SARS1: variants seen among roughly 807,000 people sequenced by gnomAD.
The protein encoded by SARS1 is serine--tRNA ligase, cytoplasmic.
SARS1 carries 25 observed loss-of-function variants against 63.7 expected under a neutral mutation model. The observed-to-expected ratio is 0.39, with a 90% CI of 0.29 to 0.55. The LOEUF (loss-of-function observed/expected upper bound fraction) is 0.55. Ranked by LOEUF, SARS1 falls within the 20% of genes least tolerant of loss-of-function variation. The pLI, the probability that SARS1 is intolerant of heterozygous loss-of-function variation, is 0.62. For synonymous variants in SARS1, 231 were observed against 243.5 expected (o/e 0.95, Z 0.48); for missense variants, 417 against 649.7 (o/e 0.64, Z 3.89).
At chr1:109,220,070 G>A (rs1470819521) in intron 1 of SARS1, among the ~76,000 whole-genome samples, 3 of 152,118 alleles carry the variant, frequency 2.0e-5, no homozygotes, top group African/African-American at 4.8e-5. Context: ...TATTTATAGG[G>A]TACAATGTAA....
chr1:109,221,970 G>GTGTGTGTATATATATATA (rs1654939076), intron 1 of SARS1, among the ~76,000 whole-genome samples: 1 of 28,056 alleles, frequency 3.6e-5, no homozygotes, highest in African/African-American at 1.4e-4. Context: ...TTGTGTGTGT[G>GTGTGTGTATATATATATA]TATATATATA....
At chr1:109,223,039 T>A (rs639246) in intron 1 of SARS1, among the ~76,000 whole-genome samples, 147,505 of 152,274 alleles carry the variant, frequency 0.97, 71,574 homozygotes, top group Middle Eastern at 1. Context: ...TTGTGCTTAA[T>A]TTTTATCATA....
At position 109,213,988 on chromosome 1, in the gene SARS1, A is replaced by G. The variant is rs774725545; in HGVS notation, c.-5A>G. ...TCCCTGAGCGTTGGCCCGGGAGGAA[A>G]GAAGATGGTGCTGGATCTGGATTTG... On this transcript the variant is annotated 5_prime_UTR_variant, in exon 1 of 11. Transcript: ENST00000234677. 1.8e-5 allele frequency: 29 copies of G among 1,608,232 alleles called. No homozygotes were observed. Among genetic ancestry groups the G allele is most frequent in the Non-Finnish European group, 2.3e-5 (27 of 1,177,148 alleles).
chr1:109,216,600 T>C lies in SARS1; in HGVS notation c.136+2472T>C, dbSNP rs1654793989. ...GTGCTATCCTGAGTGGTTTTTTTTT[T>C]CTTTTTACTGTACATTGAAAATTGA... On this transcript the variant is annotated intron_variant, in intron 1 of 10. Coordinates refer to ENST00000234677, the MANE Select transcript of SARS1 (RefSeq NM_006513.4). 3 of 984,662 alleles carry C rather than the reference T, an allele frequency of 3.0e-6. No homozygotes were observed. The South Asian group carries it at 1.4e-4, about 46-fold the overall frequency. The allele number at this position is 984,662 out of a possible 1,614,324, so 61.0% of individuals were successfully genotyped here. A position where few individuals can be genotyped will look rare whatever the true frequency, so the allele number is the denominator to read the frequency against.
intron 9 of SARS1, chr1:109,236,832 C>T (rs1303368759): frequency 1.2e-6 from 2 of 1,602,988 alleles, no homozygotes; most frequent in Non-Finnish European, 1.7e-6. Flanking sequence ...TTTATCTACA[C>T]AGAACAAGTT....
In SARS1 at chr1:109,235,574, A is replaced by G; in HGVS notation, c.969+143A>G. 1.4e-6 allele frequency: 1 copy of G among 724,220 alleles called. No individual in the cohort carries two copies. The highest frequency in any genetic ancestry group is 2.3e-6 in the Non-Finnish European group (1 of 439,892). 44.9% of individuals were successfully genotyped at this position (724,220 alleles called of 1,614,324 possible). ...TACCTCTGTGTTTCTGGGGAAGTGC[A>G]TGGTGGAGTGGCGTGGATTATGGAC... On this transcript the variant is annotated intron_variant, in intron 7 of 10. Coordinates refer to ENST00000234677, the MANE Select transcript of SARS1 (RefSeq NM_006513.4). This position sits in a 1 kb window ranked among gnomAD's most constrained non-coding sequence, Gnocchi z 4.7.
chr1:109,223,168 C>T (rs536141160), intron 1 of SARS1, among the ~76,000 whole-genome samples: 7 of 152,244 alleles, frequency 4.6e-5, no homozygotes, highest in Admixed American at 3.3e-4. Flanking sequence ...GCCTGTCTTC[C>T]CCCAAAGGAA....
At chr1:109,222,572 G>C (rs1654974007) in intron 1 of SARS1, among the ~76,000 whole-genome samples, 1 of 152,182 alleles carries the variant, frequency 6.6e-6, no homozygotes, top group South Asian at 2.1e-4. Flanking sequence ...TTATCAATGT[G>C]AATAAGTGAA....
intron 1 of SARS1, chr1:109,216,485 A>G (rs1186771661): frequency 2.0e-6 from 2 of 985,180 alleles, no homozygotes; most frequent in African/African-American, 1.7e-5. Flanking sequence ...ACTTGGGCAT[A>G]TTTGTCTTGG....
rs930540421 is a variant in SARS1 at position 109,230,982 on chromosome 1, G to A, written c.552G>A (p.Lys184=). ...VVMVDGFEGE[K]GAVVAGSRGY... ...TGGTAGATGGCTTTGAAGGCGAAAAGGGGGCCGTGGTGGCTGGGAGTCGAG... is the reference window on the plus strand; with the variant it reads ...TGGTAGATGGCTTTGAAGGCGAAAAAGGGGCCGTGGTGGCTGGGAGTCGAG... Residue 184 remains lysine, a synonymous_variant, in exon 5 of 11, where the codon AAG becomes AAA. Transcript: ENST00000234677. 2 of 1,556,794 alleles carry A rather than the reference G, an allele frequency of 1.3e-6. No individual in the cohort carries two copies. Among genetic ancestry groups the A allele is most frequent in the Non-Finnish European group, 1.7e-6 (2 of 1,152,606 alleles).
rs772170570 is a variant in SARS1 at position 109,214,664 on chromosome 1, A to C, written c.136+536A>C. On this transcript the variant is annotated intron_variant, in intron 1 of 10. Coordinates refer to ENST00000234677, the MANE Select transcript of SARS1 (RefSeq NM_006513.4). The surrounding 1 kb of genome is among the most constrained non-coding windows in gnomAD (Gnocchi z 4.6). ...TCTTGGCCAAAATAAATGACCCTGAAGCTTTTCGGAAGGCCATCCCCCGAC... is the reference window on the plus strand; with the variant it reads ...TCTTGGCCAAAATAAATGACCCTGACGCTTTTCGGAAGGCCATCCCCCGAC... 8.1e-6 allele frequency: 8 copies of C among 985,542 alleles called. No homozygotes were observed. The highest frequency in any genetic ancestry group is 1.7e-5 in the African/African-American group (1 of 57,240). The allele number at this position is 985,542 out of a possible 1,614,324, so 61.0% of individuals were successfully genotyped here.
chr1:109,224,076 T>A, intron 2 of SARS1, 28 bp downstream of exon 2: 1 of 1,511,472 alleles, frequency 6.6e-7, no homozygotes, highest in Non-Finnish European at 9.2e-7. Context: ...CAAACAGCCA[T>A]GAGAACTTGA....
chr1:109,229,738 T>C lies in SARS1; in HGVS notation c.447+166T>C, dbSNP rs551188400. Among the ~76,000 whole-genome samples the C allele has an allele frequency of 9.8e-5, 15 of 152,298 alleles. No homozygotes were observed. In the South Asian group the frequency reaches 3.1e-3, roughly 32 times the overall value. ...GAATTGCAGGAGTCAGATCCTTGTC[T>C]GATTGGGAAGTAGCAGAGACAGCAG... On this transcript the variant is annotated intron_variant, in intron 4 of 10. Coordinates refer to ENST00000234677, the MANE Select transcript of SARS1 (RefSeq NM_006513.4).
At chr1:109,222,306 G>C (rs1037794589) in intron 1 of SARS1, among the ~76,000 whole-genome samples, 2 of 151,994 alleles carry the variant, frequency 1.3e-5, no homozygotes, top group Admixed American at 6.5e-5. Context: ...TATAACTCTA[G>C]TACAATATTA....
chr1:109,223,544 G>A lies in SARS1; in HGVS notation c.137-434G>A, dbSNP rs945077412. 5.3e-5 allele frequency among the ~76,000 whole-genome samples: 8 copies of A among 152,308 alleles called. No individual in the cohort carries two copies. In the East Asian group the frequency reaches 9.6e-4, roughly 18 times the overall value. ...GGCTCTAAAGCTCTAAGATTAGGCC[G>A]GGCACAGTGGCTCACGCCTGTAATC... On this transcript the variant is annotated intron_variant, in intron 1 of 10. Coordinates refer to ENST00000234677, the MANE Select transcript of SARS1 (RefSeq NM_006513.4).
At chr1:109,231,879 G>A (rs1233976393) in intron 6 of SARS1, 93 bp downstream of exon 6, 30 of 1,106,172 alleles carry the variant, frequency 2.7e-5, no homozygotes, top group Admixed American at 3.8e-5. Flanking sequence ...AGGACTTTCT[G>A]CGATGATGGA....
At chr1:109,233,862 A>ATTTTTTTTT (rs1164453054) in intron 6 of SARS1, among the ~76,000 whole-genome samples, 7 of 65,992 alleles carry the variant, frequency 1.1e-4, no homozygotes, top group Non-Finnish European at 1.6e-4. Context: ...CACCTGGCTA[A>ATTTTTTTTT]TTTTTTTTTT....
intron 1 of SARS1, among the ~76,000 whole-genome samples, chr1:109,221,668 A>G (rs1218683127): frequency 6.6e-6 from 1 of 152,174 alleles, no homozygotes; most frequent in Admixed American, 6.6e-5. Flanking sequence ...GCATAGAGAT[A>G]TACCTAATAA....
intron 1 of SARS1, 37 bp from the exon 2 acceptor site, chr1:109,223,941 C>A: frequency 1.4e-6 from 2 of 1,463,272 alleles, no homozygotes; most frequent in Non-Finnish European, 1.9e-6. Context: ...TAATTATGGG[C>A]ATTTCTTTGG....
Sources: allele counts gnomAD v4.1 joint callset (sites outside exome capture counted in the v4.1 genomes callset), GRCh38; gene constraint gnomAD v4.1.1; non-coding constraint Gnocchi (gnomAD v3.1); transcripts MANE v1.5; gene names NCBI Gene and HGNC (gene_info 2026-07-23, HGNC 2026-07-21).